Variants in KANK1 observed in about 807,000 individuals in gnomAD.
The protein encoded by KANK1 is KN motif and ankyrin repeat domains 1.
KANK1 carries 109 observed loss-of-function variants against 106.2 expected under a neutral mutation model. The ratio of observed to expected loss-of-function variants is 1.03; its 90% CI spans 0.88 to 1.20. The LOEUF (loss-of-function observed/expected upper bound fraction) is 1.20. Ranked by LOEUF, KANK1 falls within the 50% of genes most tolerant of loss-of-function variation. The probability of loss-of-function intolerance (pLI) is 0.00; values close to 1 mark genes in which losing one functional copy is unlikely to be tolerated. For missense variants in KANK1, 2,399 were observed against 1,710.7 expected (o/e 1.40, Z -7.10); for synonymous variants, 873 against 652.2 (o/e 1.34, Z -5.16).
chr9:668,634 ATCATAGGTTTT>A (rs1328380131), intron 1 of KANK1, among the ~76,000 whole-genome samples: 2 of 151,878 alleles, frequency 1.3e-5, no homozygotes, highest in African/African-American at 4.8e-5. Context: ...TAGTGTGTTT[ATCATAGGTTTT>A]TACATTGTGG....
rs986250666 is a variant in KANK1 at position 614,702 on chromosome 9, G to C, written c.-83-62188G>C. Among the ~76,000 whole-genome samples the C allele has an allele frequency of 1.1e-4, 17 of 152,172 alleles. No individual in the cohort carries two copies. In the South Asian group the frequency reaches 1.4e-3, roughly 13 times the overall value. On this transcript the variant is annotated intron_variant, in intron 1 of 11. Coordinates refer to ENST00000382297, the MANE Select transcript of KANK1 (RefSeq NM_015158.5). ...CCGTGTGCCTCCTGGGGTGGGGCCA[G>C]TACTCTCTAGTGTTGAAAACTGCTG...
rs1277487905 is a variant in KANK1 at position 578,311 on chromosome 9, C to G, written c.-84+73557C>G. 4.1e-5 allele frequency among the ~76,000 whole-genome samples: 6 copies of G among 148,118 alleles called. No homozygotes were observed. In the East Asian group the frequency reaches 9.9e-4, roughly 24 times the overall value. ...AAGTATGATTTGGATTCTTGAGTCT[C>G]TTTATTTTATTTTTCAACTGTGTGT... On this transcript the variant is annotated intron_variant, in intron 1 of 11. Coordinates refer to ENST00000382297, the MANE Select transcript of KANK1 (RefSeq NM_015158.5).
chr9:581,270 C>T (rs1419369080), intron 1 of KANK1, among the ~76,000 whole-genome samples: 9 of 152,164 alleles, frequency 5.9e-5, no homozygotes, highest in Admixed American at 3.9e-4. Context: ...CCAGAGGGGG[C>T]GCCGAGAGCA....
rs939231956 is a variant in KANK1 at position 692,946 on chromosome 9, G to A, written c.37+15937G>A. 1.3e-5 allele frequency among the ~76,000 whole-genome samples: 2 copies of A among 152,078 alleles called. 1 individual carries two copies. The highest frequency in any genetic ancestry group is 4.1e-4 in the South Asian group (2 of 4,832). ...GAGCCCAGGAGGTTGAGGCTACAGT[G>A]AGCTGTGATTGCACCGCTGTACTCC... On this transcript the variant is annotated intron_variant, in intron 2 of 11. Coordinates refer to ENST00000382297, the MANE Select transcript of KANK1 (RefSeq NM_015158.5).
rs570843598 is a variant in KANK1, at chr9:662,900, G to A, written c.-83-13990G>A. Among the ~76,000 whole-genome samples the A allele has an allele frequency of 7.2e-5, 11 of 152,240 alleles. No individual in the cohort carries two copies. In the East Asian group the frequency reaches 1.7e-3, roughly 24 times the overall value. On this transcript the variant is annotated intron_variant, in intron 1 of 11. Coordinates refer to ENST00000382297, the MANE Select transcript of KANK1 (RefSeq NM_015158.5). ...TGGTCTCAAACTCCTGACCTCAGGT[G>A]ATCCACCCACCTTGGCCTCCCAAAG...
chr9:638,080 T>C lies in KANK1; in HGVS notation c.-83-38810T>C, dbSNP rs138620831. 9.7e-4 allele frequency among the ~76,000 whole-genome samples: 148 copies of C among 152,334 alleles called. 6 individuals carry two copies. The East Asian group carries it at 0.027, about 28-fold the overall frequency. On this transcript the variant is annotated intron_variant, in intron 1 of 11. Transcript: ENST00000382297. ...GCACACTGTTTAATAGCCAAGCTTA[T>C]GCAGTATCAGTAACTATTAGAGAAA...
chr9:495,692 C>G (rs190909223), intron 3 of KANK1: 2 of 152,224 alleles, frequency 1.3e-5, no homozygotes, highest in East Asian at 1.9e-4. Context: ...TTTTCCTCCC[C>G]GCAATGCCTT....
chr9:598,218 A>G (rs1432972741), intron 1 of KANK1, among the ~76,000 whole-genome samples: 5 of 151,710 alleles, frequency 3.3e-5, no homozygotes, highest in South Asian at 2.1e-4. Context: ...CTATTGGTCC[A>G]TATATTTATC....
At chr9:693,661 A>T in intron 2 of KANK1, 9 of 985,392 alleles carry the variant, frequency 9.1e-6, no homozygotes, top group Non-Finnish European at 1.1e-5. Context: ...GTATAAATAA[A>T]TTCTCTGCAA....
At chr9:566,828 T>C (rs1478144272) in intron 1 of KANK1, among the ~76,000 whole-genome samples, 1 of 152,228 alleles carries the variant, frequency 6.6e-6, no homozygotes. Flanking sequence ...GATAGTTTCT[T>C]TTGCTGTGCA....
intron 1 of KANK1, among the ~76,000 whole-genome samples, chr9:529,166 C>T (rs1193074505): frequency 6.6e-6 from 1 of 151,710 alleles, no homozygotes; most frequent in Non-Finnish European, 1.5e-5. Flanking sequence ...TACTAGCTAC[C>T]ATATTCTCTC....
At chr9:728,234 T>C (rs1831265904) in intron 3 of KANK1, among the ~76,000 whole-genome samples, 1 of 152,196 alleles carries the variant, frequency 6.6e-6, no homozygotes, top group Admixed American at 6.5e-5. Context: ...CCTCTGTCAC[T>C]CTGTCACCCA....
chr9:608,031 A>ATTTTTTTTTTTTTTTT (rs1175822024), intron 1 of KANK1, among the ~76,000 whole-genome samples: 1 of 88,100 alleles, frequency 1.1e-5, no homozygotes, highest in African/African-American at 4.2e-5. Flanking sequence ...TATTATTATT[A>ATTTTTTTTTTTTTTTT]TTATTTTTTT....
At chr9:646,463 C>G (rs1839689975) in intron 1 of KANK1, among the ~76,000 whole-genome samples, 1 of 151,016 alleles carries the variant, frequency 6.6e-6, no homozygotes. Flanking sequence ...AGTTCTCTCT[C>G]TAATTATATC....
intron 1 of KANK1, among the ~76,000 whole-genome samples, chr9:634,482 C>A (rs975727504): frequency 1.3e-5 from 2 of 152,158 alleles, no homozygotes; most frequent in Non-Finnish European, 2.9e-5. Flanking sequence ...GGGGAAGTCA[C>A]AAACCTTGCA....
chr9:579,547 G>T (rs536044057), intron 1 of KANK1, among the ~76,000 whole-genome samples: 2 of 152,152 alleles, frequency 1.3e-5, no homozygotes, highest in Non-Finnish European at 2.9e-5. Context: ...TCTGGAGCCC[G>T]CCTGTCAGCT....
chr9:550,379 C>T (rs917647011), intron 1 of KANK1, among the ~76,000 whole-genome samples: 3 of 152,172 alleles, frequency 2.0e-5, no homozygotes, highest in African/African-American at 7.2e-5. Flanking sequence ...TGCATCCGTA[C>T]ATGAAGCCTG....
chr9:675,969 A>G (rs961160077), intron 1 of KANK1, among the ~76,000 whole-genome samples: 6 of 152,188 alleles, frequency 3.9e-5, no homozygotes, highest in East Asian at 1.9e-4. Flanking sequence ...TGACATTGCC[A>G]TGGCATTTGT....
chr9:607,472 A>C (rs1406441779), intron 1 of KANK1, among the ~76,000 whole-genome samples: 1 of 145,256 alleles, frequency 6.9e-6, no homozygotes, highest in Admixed American at 6.9e-5. Flanking sequence ...GCGTTACAGC[A>C]AGACTCCATC....
Sources: allele counts gnomAD v4.1 joint callset (sites outside exome capture counted in the v4.1 genomes callset), GRCh38; gene constraint gnomAD v4.1.1; transcripts MANE v1.5; gene names NCBI Gene and HGNC (gene_info 2026-07-23, HGNC 2026-07-21).